TACC2: variants seen among roughly 807,000 people sequenced by gnomAD.
TACC2 encodes transforming acidic coiled-coil-containing protein 2.
A neutral mutation model predicts 227.3 loss-of-function variants in TACC2; 137 were observed. The observed-to-expected ratio is 0.60, with a 90% CI of 0.52 to 0.69. The LOEUF (loss-of-function observed/expected upper bound fraction) is 0.69. Among genes scored for constraint, TACC2 ranks in the 30% least tolerant of loss-of-function variants. The probability of loss-of-function intolerance (pLI) is 0.00; values close to 1 mark genes in which losing one functional copy is unlikely to be tolerated. For missense variants in TACC2, 3,470 were observed against 3,694.4 expected, an observed-to-expected ratio of 0.94 and a Z score of 1.57; for synonymous variants, 1,523 against 1,487.5, an observed-to-expected ratio of 1.02 and a Z score of -0.55.
At chr10:122,220,096 ATG>A (rs1263618148) in intron 11 of TACC2, among the ~76,000 whole-genome samples, 4 of 151,960 alleles carry the variant, frequency 2.6e-5, no homozygotes, top group Non-Finnish European at 5.9e-5. Context: ...TGATTTTGAT[ATG>A]TGTGTGTCTT....
chr10:122,118,107 C>T (rs1025941276), intron 5 of TACC2, among the ~76,000 whole-genome samples: 27 of 151,774 alleles, frequency 1.8e-4, no homozygotes, highest in Non-Finnish European at 2.7e-4. Context: ...CCTGCTTCCC[C>T]GGGTTCAAAC....
intron 1 of TACC2, among the ~76,000 whole-genome samples, chr10:122,018,429 G>C (rs1956955911): frequency 6.6e-6 from 1 of 152,080 alleles, no homozygotes; most frequent in Non-Finnish European, 1.5e-5. Flanking sequence ...ACATTTGAAA[G>C]TGAGCAATTC....
chr10:122,189,622 G>A (rs2094339361), intron 7 of TACC2, among the ~76,000 whole-genome samples: 1 of 152,228 alleles, frequency 6.6e-6, no homozygotes, highest in Admixed American at 6.5e-5. Flanking sequence ...CTTTCATGTT[G>A]GGAGCTGCAA....
In TACC2 at chr10:122,158,614, G is replaced by C. The variant is rs1426439947; in HGVS notation, c.5834+14908G>C. On this transcript the variant is annotated intron_variant, in intron 7 of 22. Coordinates refer to ENST00000369005, the MANE Select transcript of TACC2 (RefSeq NM_206862.4). ...TTGTGAAGAACTTTGAAAGGTTCCAGGTGTAAATATGGTGAAGGTGGTAGA... is the reference window on the plus strand; with the variant it reads ...TTGTGAAGAACTTTGAAAGGTTCCACGTGTAAATATGGTGAAGGTGGTAGA... 7.2e-5 allele frequency among the ~76,000 whole-genome samples: 11 copies of C among 152,222 alleles called. No homozygotes were observed. The East Asian group carries it at 1.5e-3, about 21-fold the overall frequency.
At chr10:122,073,126 AATATATATAT>A (rs1167084872) in intron 3 of TACC2, among the ~76,000 whole-genome samples, 18 of 71,020 alleles carry the variant, frequency 2.5e-4, no homozygotes, top group African/African-American at 9.9e-4. Context: ...AAAAAAAAAA[AATATATATAT>A]ATATATATAT....
Position 122,082,836 on chromosome 10 carries a change from CT to C in TACC2, c.339del (p.Phe113LeufsTer97). 1.2e-6 allele frequency: 2 copies of C among 1,613,694 alleles called. No individual in the cohort carries two copies. The highest frequency in any genetic ancestry group is 1.7e-6 in the Non-Finnish European group (2 of 1,180,016). ...EREHPSSSMP[F>X]AECPPEGCLA... Reference sequence around the variant, plus strand: ...GAGAGCACCCCTCGTCCTCCATGCCCTTTGCCGAGTGTCCCCCGGAAGGTTG... The same window carrying C: ...GAGAGCACCCCTCGTCCTCCATGCCCTTGCCGAGTGTCCCCCGGAAGGTTG... On this transcript the variant is annotated frameshift_variant, in exon 4 of 23. Coordinates refer to ENST00000369005, the MANE Select transcript of TACC2 (RefSeq NM_206862.4). LOFTEE classifies it high-confidence loss of function.
At chr10:122,136,543 G>GTATATATATATATATATATATATATA (rs747076679) in intron 6 of TACC2, among the ~76,000 whole-genome samples, 1 of 143,256 alleles carries the variant, frequency 7.0e-6, no homozygotes, top group African/African-American at 2.6e-5. Flanking sequence ...TTGTGTGTGT[G>GTATATATATATATATATATATATATA]TGTATATATA....
At chr10:122,133,507 A>G (rs1311481510) in intron 6 of TACC2, among the ~76,000 whole-genome samples, 1 of 152,074 alleles carries the variant, frequency 6.6e-6, no homozygotes, top group Non-Finnish European at 1.5e-5. Flanking sequence ...GTATGTCTAC[A>G]TGTCTATACA....
At chr10:122,168,522 T>C (rs957586964) in intron 7 of TACC2, among the ~76,000 whole-genome samples, 7 of 152,274 alleles carry the variant, frequency 4.6e-5, no homozygotes, top group Middle Eastern at 6.8e-3. Flanking sequence ...CACTATCTTC[T>C]CTGGGGGACT....
In TACC2 at chr10:122,210,505, A is replaced by G; in HGVS notation, c.6080A>G (p.Asp2027Gly). ...TCCTTCTCTGCCGTCTTCGATGAAG[A>G]CAAGCCGATAGCCAGCAGTGGGACT... ...SHSFSAVFDE[D>G]KPIASSGTYN... The change falls in exon 9 of 23, where the codon GAC becomes GGC. Residue 2027 changes from aspartate to glycine, a missense_variant. Physicochemically the swap from Asp to Gly is moderately conservative, Grantham distance 94. Around this residue, in one of 10 missense-constraint regions of TACC2, gnomAD observed 593 missense variants for 636.6 expected, o/e 0.93. Transcript: ENST00000369005. This position sits in a 1 kb window ranked among gnomAD's most constrained non-coding sequence, Gnocchi z 4.6. 1 of 1,614,090 alleles carries G rather than the reference A, an allele frequency of 6.2e-7. No homozygotes were observed. The highest frequency in any genetic ancestry group is 8.5e-7 in the Non-Finnish European group (1 of 1,180,004).
At chr10:122,137,091 C>T (rs972723974) in intron 6 of TACC2, among the ~76,000 whole-genome samples, 5 of 151,532 alleles carry the variant, frequency 3.3e-5, no homozygotes, top group African/African-American at 1.2e-4. Context: ...TTCGATGCAC[C>T]CTTTCTCTAT....
intron 7 of TACC2, among the ~76,000 whole-genome samples, chr10:122,172,732 C>A (rs1170398890): frequency 6.6e-6 from 1 of 152,118 alleles, no homozygotes; most frequent in Non-Finnish European, 1.5e-5. Flanking sequence ...TCCTGGGGCG[C>A]AGGGCTGCTG....
intron 17 of TACC2, 81 bp from the exon 18 acceptor site, chr10:122,237,880 T>C: frequency 9.8e-7 from 1 of 1,019,924 alleles, no homozygotes; most frequent in South Asian, 1.5e-5. Flanking sequence ...ATTCACCGTC[T>C]CCTTTTCTTG....
intron 2 of TACC2, among the ~76,000 whole-genome samples, chr10:122,034,759 G>A (rs1419578674): frequency 2.0e-5 from 3 of 151,930 alleles, no homozygotes. Flanking sequence ...GTGAAACCCC[G>A]TCTTTACTAA....
chr10:122,144,235 G>A (rs1173587799), intron 7 of TACC2, among the ~76,000 whole-genome samples: 16 of 152,010 alleles, frequency 1.1e-4, no homozygotes, highest in Non-Finnish European at 1.5e-5. Flanking sequence ...CATTATAGGA[G>A]GTAATCAGCT....
intron 1 of TACC2, among the ~76,000 whole-genome samples, chr10:122,013,886 G>A (rs139586001): frequency 6.6e-6 from 1 of 152,090 alleles, no homozygotes; most frequent in African/African-American, 2.4e-5. Flanking sequence ...CCAACCTCTA[G>A]GCCTCAGCTT....
chr10:122,120,909 T>A (rs2085642298), intron 5 of TACC2, among the ~76,000 whole-genome samples: 4 of 152,144 alleles, frequency 2.6e-5, no homozygotes, highest in Non-Finnish European at 5.9e-5. Context: ...GGATTATAGA[T>A]GCGTGCCACC....
intron 7 of TACC2, chr10:122,192,536 G>C (rs958030897): frequency 1.1e-5 from 4 of 379,120 alleles, no homozygotes; most frequent in Non-Finnish European, 2.2e-5. Context: ...CGGGGCCTCC[G>C]GACGCTGGAG....
intron 5 of TACC2, among the ~76,000 whole-genome samples, chr10:122,104,816 C>T (rs1174001816): frequency 6.6e-6 from 1 of 152,210 alleles, no homozygotes; most frequent in South Asian, 2.1e-4. Flanking sequence ...ACTGACTTAT[C>T]CTCTAAAACT....
Sources: gnomAD v4.1 joint callset for allele counts (sites outside exome capture counted in the v4.1 genomes callset) on GRCh38, gnomAD v4.1.1 for gene constraint, gnomAD v4.1.1 regional missense constraint, Gnocchi (gnomAD v3.1) non-coding constraint, MANE v1.5 for transcripts, NCBI Gene and HGNC (gene_info 2026-07-23, HGNC 2026-07-21) for gene names.